The following SOX5 variants were observed in gnomAD, a reference collection of about 807,000 sequenced individuals.
SOX5 encodes the protein SRY-box transcription factor 5.
SOX5 carries 9 observed loss-of-function variants against 92.0 expected under a neutral mutation model. The observed-to-expected ratio is 0.10, with a 90% CI of 0.06 to 0.17. The LOEUF (loss-of-function observed/expected upper bound fraction) is 0.17, where lower values mean the gene tolerates loss of function less well. Among genes scored for constraint, SOX5 ranks in the 10% least tolerant of loss-of-function variants. The probability of loss-of-function intolerance (pLI) is 1.00; values close to 1 mark genes in which losing one functional copy is unlikely to be tolerated. For synonymous variants in SOX5, 344 were observed against 336.3 expected, an observed-to-expected ratio of 1.02 and a Z score of -0.25; for missense variants, 642 against 944.5, an observed-to-expected ratio of 0.68 and a Z score of 4.20.
intron 4 of SOX5, among the ~76,000 whole-genome samples, chr12:24,045,543 T>G (rs1033033683): frequency 6.6e-6 from 1 of 152,088 alleles, no homozygotes; most frequent in African/African-American, 2.4e-5. Context: ...CAAGCAGTCC[T>G]CTTGCCTCAG....
chr12:24,257,055 A>T (rs1302218211), intron 3 of SOX5, among the ~76,000 whole-genome samples: 1 of 152,192 alleles, frequency 6.6e-6, no homozygotes, highest in Non-Finnish European at 1.5e-5. Flanking sequence ...AATAGAAGGG[A>T]AAGTACTTTC....
At chr12:24,478,727 C>T (rs982551395) in intron 1 of SOX5, among the ~76,000 whole-genome samples, 1 of 152,212 alleles carries the variant, frequency 6.6e-6, no homozygotes, top group African/African-American at 2.4e-5. Context: ...GACAATTCTT[C>T]CACTGAAGTC....
chr12:23,731,777 A>G (rs1039383254), intron 6 of SOX5, among the ~76,000 whole-genome samples: 1 of 152,230 alleles, frequency 6.6e-6, no homozygotes, highest in Non-Finnish European at 1.5e-5. Flanking sequence ...GTATTCATAT[A>G]TGAAACAAAC....
At chr12:24,384,763 T>C (rs1348136908) in intron 1 of SOX5, among the ~76,000 whole-genome samples, 4 of 152,166 alleles carry the variant, frequency 2.6e-5, no homozygotes, top group African/African-American at 9.7e-5. Flanking sequence ...TTCCAACTCA[T>C]GGGAATGTGT....
At chr12:23,718,662 C>A (rs2092643510) in intron 6 of SOX5, among the ~76,000 whole-genome samples, 1 of 151,976 alleles carries the variant, frequency 6.6e-6, no homozygotes, top group South Asian at 2.1e-4. Context: ...GCATCAAAAA[C>A]CTTATAAAAC....
At chr12:24,358,541 G>A (rs1259219321) in intron 2 of SOX5, among the ~76,000 whole-genome samples, 1 of 152,020 alleles carries the variant, frequency 6.6e-6, no homozygotes, top group Admixed American at 6.6e-5. Context: ...GAACCCAAGA[G>A]GTGGAGCTTG....
chr12:24,035,075 CT>C (rs1418370845), intron 4 of SOX5, among the ~76,000 whole-genome samples: 2 of 152,022 alleles, frequency 1.3e-5, no homozygotes, highest in Non-Finnish European at 1.5e-5. Flanking sequence ...CTTTGCAATG[CT>C]TTTTTCTGTA....
At position 23,586,162 on chromosome 12, in the gene SOX5, G is replaced by C. The variant is rs1228754480; in HGVS notation, c.1165-10324C>G. Reference sequence around the variant, plus strand: ...TCCGTGTGTATGTGTCTGCATTTTTGTTCCCCTTAGCACAAGATCACGAAC... The same window carrying C: ...TCCGTGTGTATGTGTCTGCATTTTTCTTCCCCTTAGCACAAGATCACGAAC... On this transcript the variant is annotated intron_variant, in intron 9 of 14. Transcript: ENST00000451604. Among the ~76,000 whole-genome samples the C allele has an allele frequency of 2.0e-5, 3 of 151,954 alleles. No individual in the cohort carries two copies. The South Asian group carries it at 6.2e-4, about 32-fold the overall frequency.
chr12:24,235,923 C>T (rs1274201237), intron 3 of SOX5, among the ~76,000 whole-genome samples: 2 of 152,160 alleles, frequency 1.3e-5, no homozygotes, highest in African/African-American at 2.4e-5. Context: ...GGTGTGGTGG[C>T]TCACGCCTGT....
intron 7 of SOX5, among the ~76,000 whole-genome samples, chr12:23,642,058 A>C (rs1011752334): frequency 1.3e-5 from 2 of 152,166 alleles, no homozygotes; most frequent in Non-Finnish European, 2.9e-5. Context: ...GGCCTCTTGC[A>C]GTATGTTCAC....
At chr12:24,273,058 C>A (rs934006219) in intron 3 of SOX5, among the ~76,000 whole-genome samples, 1 of 152,114 alleles carries the variant, frequency 6.6e-6, no homozygotes, top group Non-Finnish European at 1.5e-5. Flanking sequence ...CATAGTAAAA[C>A]CCCGTCTCTA....
intron 4 of SOX5, among the ~76,000 whole-genome samples, chr12:24,204,093 A>T (rs1404202159): frequency 1.3e-5 from 2 of 151,958 alleles, no homozygotes; most frequent in African/African-American, 4.8e-5. Context: ...AGTGTAATTA[A>T]TCAGTTTCAT....
chr12:24,384,325 G>A (rs764895319), intron 1 of SOX5, among the ~76,000 whole-genome samples: 2 of 152,276 alleles, frequency 1.3e-5, no homozygotes, highest in South Asian at 2.1e-4. Flanking sequence ...AGGTGGTAAT[G>A]CTGGCTCACC....
At chr12:24,022,149 T>C (rs1246996010) in intron 4 of SOX5, among the ~76,000 whole-genome samples, 2 of 152,174 alleles carry the variant, frequency 1.3e-5, no homozygotes, top group African/African-American at 2.4e-5. Flanking sequence ...AATCATAACA[T>C]CTCACGTGTT....
intron 4 of SOX5, among the ~76,000 whole-genome samples, chr12:24,186,880 G>C (rs1323612802): frequency 6.6e-6 from 1 of 151,756 alleles, no homozygotes; most frequent in Non-Finnish European, 1.5e-5. Context: ...TTTTCCCCTA[G>C]GATTTCTCCA....
Position 23,533,252 on chromosome 12 carries a change from CAT to C in SOX5, c.*965_*966del. The C allele has an allele frequency of 2.4e-6, 1 of 423,248 alleles. No homozygotes were observed. Among genetic ancestry groups the C allele is most frequent in the South Asian group, 1.7e-5 (1 of 59,374 alleles). 26.2% of individuals were successfully genotyped at this position (423,248 alleles called of 1,614,324 possible). ...TATTAGTACCATAATCACATACATA[CAT>C]ACACACAAAAATCCAAGATCAGAAA... On this transcript the variant is annotated 3_prime_UTR_variant, in exon 15 of 15. Transcript: ENST00000451604.
intron 4 of SOX5, among the ~76,000 whole-genome samples, chr12:24,160,684 T>A (rs567259301): frequency 6.6e-6 from 1 of 152,174 alleles, no homozygotes; most frequent in South Asian, 2.1e-4. Context: ...ACTTGAGTAA[T>A]GTAGTGAGGT....
At chr12:24,335,764 G>A (rs1340385064) in intron 2 of SOX5, among the ~76,000 whole-genome samples, 2 of 151,590 alleles carry the variant, frequency 1.3e-5, no homozygotes, top group Admixed American at 6.6e-5. Context: ...GTTAAATTAT[G>A]ATCTTAAATA....
intron 4 of SOX5, among the ~76,000 whole-genome samples, chr12:24,024,426 C>T (rs1954652353): frequency 6.6e-6 from 1 of 151,962 alleles, no homozygotes; most frequent in Non-Finnish European, 1.5e-5. Context: ...TAACTGAAAA[C>T]AATTTTTATA....
Sources: gnomAD v4.1 joint callset for allele counts (sites outside exome capture counted in the v4.1 genomes callset) on GRCh38, gnomAD v4.1.1 for gene constraint, MANE v1.5 for transcripts, NCBI Gene and HGNC (gene_info 2026-07-23, HGNC 2026-07-21) for gene names.